The following ATP6V1H variants were observed in gnomAD, a reference collection of about 807,000 sequenced individuals.
ATP6V1H encodes the protein V-type proton ATPase subunit H.
ATP6V1H carries 39 observed loss-of-function variants against 71.7 expected under a neutral mutation model. The ratio of observed to expected loss-of-function variants is 0.54; its 90% CI spans 0.42 to 0.71. The LOEUF (loss-of-function observed/expected upper bound fraction) is 0.71, where lower values mean the gene tolerates loss of function less well. ATP6V1H is among the 30% of genes least tolerant of loss of function. The pLI, the probability that ATP6V1H is intolerant of heterozygous loss-of-function variation, is 0.00. For synonymous variants in ATP6V1H, 192 were observed against 199.3 expected, an observed-to-expected ratio of 0.96 and a Z score of 0.31; for missense variants, 509 against 594.9, an observed-to-expected ratio of 0.86 and a Z score of 1.50.
At chr8:53,833,580 C>T (rs916980133) in intron 2 of ATP6V1H, among the ~76,000 whole-genome samples, 5 of 151,708 alleles carry the variant, frequency 3.3e-5, no homozygotes, top group African/African-American at 1.2e-4. Context: ...AACTGATTTT[C>T]CTCCTCTCTG....
chr8:53,822,536 C>A (rs1215772329), intron 4 of ATP6V1H, among the ~76,000 whole-genome samples: 1 of 151,924 alleles, frequency 6.6e-6, no homozygotes, highest in Non-Finnish European at 1.5e-5. Context: ...ACCAACAGAA[C>A]AGACAGAAAA....
At chr8:53,836,056 T>A (rs1811149095) in intron 2 of ATP6V1H, among the ~76,000 whole-genome samples, 1 of 152,190 alleles carries the variant, frequency 6.6e-6, no homozygotes, top group Non-Finnish European at 1.5e-5. Flanking sequence ...TTTGCCCACT[T>A]TCCATTCTGG....
intron 9 of ATP6V1H, among the ~76,000 whole-genome samples, chr8:53,775,183 C>A (rs535553964): frequency 6.6e-6 from 1 of 151,816 alleles, no homozygotes; most frequent in Non-Finnish European, 1.5e-5. Flanking sequence ...CTTAAGGCGG[C>A]GCATGTGGAG....
Position 53,812,884 on chromosome 8 carries a change from G to A in ATP6V1H, c.526-1667C>T, listed in dbSNP as rs185306137. On this transcript the variant is annotated intron_variant, in intron 6 of 13. Coordinates refer to ENST00000359530, the MANE Select transcript of ATP6V1H (RefSeq NM_015941.4). Reference sequence around the variant, plus strand: ...TAATTGTTCTATTTTTCGTAAAGACGGGGTTTTGCTATGTTGCCCAGGCTG... The same window carrying A: ...TAATTGTTCTATTTTTCGTAAAGACAGGGTTTTGCTATGTTGCCCAGGCTG... 2.2e-3 allele frequency among the ~76,000 whole-genome samples: 341 copies of A among 152,128 alleles called. 2 individuals are homozygous for A. Among genetic ancestry groups the A allele is most frequent in the African/African-American group, 7.9e-3 (328 of 41,494 alleles).
intron 13 of ATP6V1H, among the ~76,000 whole-genome samples, chr8:53,730,152 T>G (rs1200038725): frequency 3.3e-5 from 5 of 152,218 alleles, no homozygotes; most frequent in African/African-American, 1.2e-4. Flanking sequence ...ACTGCCTGGC[T>G]CACTTCCCAC....
intron 13 of ATP6V1H, among the ~76,000 whole-genome samples, chr8:53,738,975 C>T (rs1263094072): frequency 6.6e-6 from 1 of 151,908 alleles, no homozygotes; most frequent in African/African-American, 2.4e-5. Context: ...TTTTCAAATA[C>T]AGAAAACATA....
intron 12 of ATP6V1H, among the ~76,000 whole-genome samples, chr8:53,755,722 ATATATATATATATATATATATATTTTTT>A (rs1808017612): frequency 8.7e-4 from 5 of 5,774 alleles, no homozygotes; most frequent in African/African-American, 5.5e-3. Context: ...ATATATATAT[ATATATATATATATATATATATATTTTTT>A]TTTTTTTTTT....
chr8:53,755,602 A>T (rs1484924227), intron 12 of ATP6V1H, among the ~76,000 whole-genome samples: 1 of 145,932 alleles, frequency 6.9e-6, no homozygotes, highest in Non-Finnish European at 1.5e-5. Flanking sequence ...AAGACAAAAA[A>T]TAGCCAGTGC....
chr8:53,739,695 G>A (rs994630646), intron 13 of ATP6V1H: 17 of 152,232 alleles, frequency 1.1e-4, no homozygotes, highest in Admixed American at 5.2e-4. Flanking sequence ...TGAATTAGGT[G>A]TATATACACA....
Position 53,841,589 on chromosome 8 carries a change from T to A in ATP6V1H, c.102A>T (p.Gln34His). Reference sequence around the variant, plus strand: ...AAATTGGTACTTACTGAAGATAGGATTGCCAGTTGACTTTGTTTGCACGAA... The same window carrying A: ...AAATTGGTACTTACTGAAGATAGGAATGCCAGTTGACTTTGTTTGCACGAA... ...AEVRANKVNW[Q>H]SYLQGQMISA... Residue 34 changes from glutamine to histidine, a missense_variant, in exon 2 of 14, where the codon CAA becomes CAT. Around this residue, in one of 2 missense-constraint regions of ATP6V1H, gnomAD observed 297 missense variants for 303.3 expected, o/e 0.98. Coordinates refer to ENST00000359530, the MANE Select transcript of ATP6V1H (RefSeq NM_015941.4). The A allele has an allele frequency of 6.2e-7, 1 of 1,614,094 alleles. No individual in the cohort carries two copies. Among genetic ancestry groups the A allele is most frequent in the Non-Finnish European group, 8.5e-7 (1 of 1,179,978 alleles).
chr8:53,790,741 T>C (rs933505512), intron 9 of ATP6V1H, among the ~76,000 whole-genome samples: 1 of 152,138 alleles, frequency 6.6e-6, no homozygotes, highest in Non-Finnish European at 1.5e-5. Context: ...ACCCAAATCA[T>C]GAAGAGATGA....
chr8:53,795,515 T>C (rs919019001), intron 9 of ATP6V1H, 132 bp downstream of exon 9: 1 of 784,102 alleles, frequency 1.3e-6, no homozygotes, highest in Non-Finnish European at 2.1e-6. Context: ...TATTTTACTC[T>C]ATATTCACCA....
Position 53,777,182 on chromosome 8 carries a change from A to G in ATP6V1H, c.871-5015T>C, listed in dbSNP as rs529687844. ...GAAAATATAATGGCCAAAATTTTCC[A>G]TCTTTAGCAAAAGATGCAACTCTAC... On this transcript the variant is annotated intron_variant, in intron 9 of 13. Coordinates refer to ENST00000359530, the MANE Select transcript of ATP6V1H (RefSeq NM_015941.4). Among the ~76,000 whole-genome samples, 6 of 152,346 alleles carry G rather than the reference A, an allele frequency of 3.9e-5. No individual in the cohort carries two copies. The East Asian group carries it at 9.6e-4, about 24-fold the overall frequency.
intron 4 of ATP6V1H, among the ~76,000 whole-genome samples, chr8:53,819,609 T>TGTATATACATATATACATATGTATATAC (rs1810574090): frequency 8.8e-6 from 1 of 113,162 alleles, no homozygotes; most frequent in Non-Finnish European, 1.7e-5. Context: ...ATACACACAT[T>TGTATATACATATATACATATGTATATAC]GTATATACAT....
intron 13 of ATP6V1H, among the ~76,000 whole-genome samples, chr8:53,730,187 T>C (rs1467772748): frequency 6.6e-6 from 1 of 152,232 alleles, no homozygotes. Context: ...CCAGTTTCAG[T>C]GGACTGTGTG....
chr8:53,833,113 T>C (rs2130529579), intron 2 of ATP6V1H, 27 bp from the exon 3 acceptor site: 1 of 1,576,836 alleles, frequency 6.3e-7, no homozygotes, highest in Non-Finnish European at 8.7e-7. Context: ...AGATGTTTTG[T>C]TCAGTAAGAG....
chr8:53,743,711 G>T lies in ATP6V1H; in HGVS notation c.1278-21C>A, dbSNP rs201164995. 3.0e-5 allele frequency: 46 copies of T among 1,558,666 alleles called. No homozygotes were observed. In the East Asian group the frequency reaches 1.0e-3, roughly 34 times the overall value. On this transcript the variant is annotated intron_variant, in intron 12 of 13. Coordinates refer to ENST00000359530, the MANE Select transcript of ATP6V1H (RefSeq NM_015941.4). ...TGACCCTGCAAACGGGAGAGACGTG[G>T]TGAGGAAGATGCAATTACTCTCAAA... is the stretch of plus-strand genomic sequence containing the variant.
Position 53,767,414 on chromosome 8 carries a change from G to A in ATP6V1H, c.1175+2204C>T, listed in dbSNP as rs138043468. ...CTAAAAATTAAAGTCTATTTTAAAAGTTGTAGTAAAGTATATATTAGTAAT... is the reference window on the plus strand; with the variant it reads ...CTAAAAATTAAAGTCTATTTTAAAAATTGTAGTAAAGTATATATTAGTAAT... On this transcript the variant is annotated intron_variant, in intron 11 of 13. Coordinates refer to ENST00000359530, the MANE Select transcript of ATP6V1H (RefSeq NM_015941.4). Among the ~76,000 whole-genome samples the A allele has an allele frequency of 1.9e-3, 290 of 152,266 alleles. 4 individuals are homozygous for A. The highest frequency in any genetic ancestry group is 6.6e-3 in the African/African-American group (274 of 41,544).
At chr8:53,724,612 A>G in intron 13 of ATP6V1H, among the ~76,000 whole-genome samples, 1 of 27,784 alleles carries the variant, frequency 3.6e-5, no homozygotes, top group Middle Eastern at 0.023. Context: ...CCCCACCCCG[A>G]CAGCCAAGAG....
Sources: allele counts gnomAD v4.1 joint callset (sites outside exome capture counted in the v4.1 genomes callset), GRCh38; gene constraint gnomAD v4.1.1; regional missense constraint gnomAD v4.1.1; transcripts MANE v1.5; gene names NCBI Gene and HGNC (gene_info 2026-07-23, HGNC 2026-07-21).